SNX7: variants seen among roughly 807,000 people sequenced by gnomAD.
SNX7 encodes the protein sorting nexin 7.
SNX7 carries 35 observed loss-of-function variants against 48.4 expected under a neutral mutation model. That is an observed-to-expected ratio of 0.72 (90% confidence interval 0.55 to 0.96). The LOEUF (loss-of-function observed/expected upper bound fraction) is 0.96, where lower values mean the gene tolerates loss of function less well. Ranked by LOEUF, SNX7 falls within the 40% of genes least tolerant of loss-of-function variation. SNX7 has a pLI of 0.00. For synonymous variants in SNX7, 190 were observed against 190.2 expected (o/e 1.00, Z 0.01); for missense variants, 553 against 548.9 (o/e 1.01, Z -0.07).
chr1:98,738,476 A>C, intron 8 of SNX7, 87 bp downstream of exon 8: 1 of 1,301,876 alleles, frequency 7.7e-7, no homozygotes, highest in East Asian at 2.4e-5. Flanking sequence ...AGTGTATTAA[A>C]GAACAAGTGT....
chr1:98,724,158 G>A (rs1653045082), intron 7 of SNX7, among the ~76,000 whole-genome samples: 1 of 151,994 alleles, frequency 6.6e-6, no homozygotes, highest in Non-Finnish European at 1.5e-5. Flanking sequence ...CGAGCTTTCA[G>A]AATGATTTTC....
chr1:98,747,361 A>G (rs1654354772), intron 8 of SNX7, among the ~76,000 whole-genome samples: 1 of 152,168 alleles, frequency 6.6e-6, no homozygotes, highest in African/African-American at 2.4e-5. Context: ...GTTGAAAGTA[A>G]TCAGTTGGAA....
chr1:98,737,458 G>T (rs1653841447), intron 7 of SNX7, among the ~76,000 whole-genome samples: 1 of 152,002 alleles, frequency 6.6e-6, no homozygotes, highest in Non-Finnish European at 1.5e-5. Context: ...CTTCACTACT[G>T]AATCTCCAGG....
At chr1:98,742,722 T>G (rs1654130888) in intron 8 of SNX7, among the ~76,000 whole-genome samples, 1 of 152,070 alleles carries the variant, frequency 6.6e-6, no homozygotes, top group African/African-American at 2.4e-5. Context: ...ATATAATCCT[T>G]TCTCCTAGGG....
At chr1:98,683,565 C>T (rs573064924) in intron 1 of SNX7, among the ~76,000 whole-genome samples, 4 of 152,246 alleles carry the variant, frequency 2.6e-5, no homozygotes, top group East Asian at 1.9e-4. Context: ...CAGAGAGACC[C>T]TCCCCCCTTT....
At chr1:98,741,026 T>C (rs1654043787) in intron 8 of SNX7, among the ~76,000 whole-genome samples, 1 of 152,146 alleles carries the variant, frequency 6.6e-6, no homozygotes, top group Non-Finnish European at 1.5e-5. Flanking sequence ...AGCAGAAAGA[T>C]TAAGGCCTAA....
chr1:98,697,296 C>T (rs1370100122), intron 5 of SNX7, among the ~76,000 whole-genome samples: 1 of 151,862 alleles, frequency 6.6e-6, no homozygotes, highest in African/African-American at 2.4e-5. Flanking sequence ...TTTTAAATTT[C>T]ATATTTTTAA....
chr1:98,687,288 C>T (rs903007276), intron 2 of SNX7, among the ~76,000 whole-genome samples: 1 of 152,022 alleles, frequency 6.6e-6, no homozygotes, highest in Non-Finnish European at 1.5e-5. Flanking sequence ...TCATAGTATA[C>T]ATTTTTTCTA....
intron 7 of SNX7, among the ~76,000 whole-genome samples, chr1:98,715,458 CT>C (rs1652537260): frequency 6.6e-6 from 1 of 152,174 alleles, no homozygotes; most frequent in Admixed American, 6.6e-5. Flanking sequence ...AAAAGTCACT[CT>C]TTTTCCAATG....
At chr1:98,736,548 G>C (rs1334935481) in intron 7 of SNX7, among the ~76,000 whole-genome samples, 2 of 152,046 alleles carry the variant, frequency 1.3e-5, no homozygotes, top group Non-Finnish European at 2.9e-5. Context: ...ATACCCAGAA[G>C]ACTACAGATT....
chr1:98,738,275 A>T lies in SNX7; in HGVS notation c.1164A>T (p.Glu388Asp), dbSNP rs766701223. 3 of 1,613,464 alleles carry T rather than the reference A, an allele frequency of 1.9e-6. No homozygotes were observed. In the East Asian group the frequency reaches 6.7e-5, roughly 36 times the overall value. Residue 388 changes from glutamate to aspartate, a missense_variant, in exon 8 of 9, where the codon GAA becomes GAT. Coordinates refer to ENST00000306121, the MANE Select transcript of SNX7 (RefSeq NM_015976.5). ...TTGGAAAACTTGAAGATAAAGTGGA[A>T]TGTGCTAATAATGCCCTGAAAGCAG... ...EEIGKLEDKV[E>D]CANNALKADW...
chr1:98,726,844 C>T (rs1025239077), intron 7 of SNX7, among the ~76,000 whole-genome samples: 2 of 152,210 alleles, frequency 1.3e-5, no homozygotes, highest in South Asian at 2.1e-4. Flanking sequence ...GCAGGACCTT[C>T]CCTCTCATAT....
chr1:98,667,630 C>G (rs901467836), intron 1 of SNX7, among the ~76,000 whole-genome samples: 1 of 151,884 alleles, frequency 6.6e-6, no homozygotes, highest in African/African-American at 2.4e-5. Flanking sequence ...GATCTGCCCA[C>G]CTCGGCCTCC....
intron 1 of SNX7, among the ~76,000 whole-genome samples, chr1:98,679,737 A>G (rs560694097): frequency 6.6e-6 from 1 of 152,324 alleles, no homozygotes; most frequent in South Asian, 2.1e-4. Flanking sequence ...CTTTGACTCC[A>G]TGTCTCACAT....
At chr1:98,688,714 T>G (rs74110434) in intron 2 of SNX7, among the ~76,000 whole-genome samples, 3 of 152,166 alleles carry the variant, frequency 2.0e-5, no homozygotes, top group Non-Finnish European at 2.9e-5. Context: ...GCTTTTATGG[T>G]CAAACATGAA....
intron 8 of SNX7, 34 bp from the exon 9 acceptor site, chr1:98,760,020 G>C (rs745622955): frequency 2.2e-5 from 30 of 1,363,534 alleles, no homozygotes; most frequent in Non-Finnish European, 2.9e-5. Context: ...GTAAACTATT[G>C]TTGATTGCCT....
In SNX7 at chr1:98,661,920, G is replaced by A; in HGVS notation, c.180+9G>A. On this transcript the variant is annotated intron_variant, in intron 1 of 8. Transcript: ENST00000306121. ...TGGAGGTGTTCAGCAAGGTGAGGGCGGCGGCGGCGAGTCCCGGGAAACTTC... is the reference window on the plus strand; with the variant it reads ...TGGAGGTGTTCAGCAAGGTGAGGGCAGCGGCGGCGAGTCCCGGGAAACTTC... 8.0e-7 allele frequency: 1 copy of A among 1,246,992 alleles called. No homozygotes were observed. Among genetic ancestry groups the A allele is most frequent in the Non-Finnish European group, 1.0e-6 (1 of 987,370 alleles). 77.2% of individuals were successfully genotyped at this position (1,246,992 alleles called of 1,614,324 possible). A position where few individuals can be genotyped will look rare whatever the true frequency, so the allele number is the denominator to read the frequency against.
intron 2 of SNX7, 29 bp from the exon 3 acceptor site, chr1:98,691,046 G>T (rs759472974): frequency 2.3e-5 from 33 of 1,453,274 alleles, no homozygotes; most frequent in Non-Finnish European, 3.2e-5. Context: ...TATATTGCAT[G>T]TGCTGTTATT....
At chr1:98,723,612 G>A (rs1653007685) in intron 7 of SNX7, among the ~76,000 whole-genome samples, 1 of 151,998 alleles carries the variant, frequency 6.6e-6, no homozygotes, top group Non-Finnish European at 1.5e-5. Flanking sequence ...CACCCGTTTT[G>A]GGAGGCCTAG....
Sources: gnomAD v4.1 joint callset for allele counts (sites outside exome capture counted in the v4.1 genomes callset) on GRCh38, gnomAD v4.1.1 for gene constraint, MANE v1.5 for transcripts, NCBI Gene and HGNC (gene_info 2026-07-23, HGNC 2026-07-21) for gene names.